Variants in GLDN observed in about 807,000 individuals in gnomAD.
GLDN encodes the protein collomin.
Under a neutral mutation model 56.5 loss-of-function variants are expected in GLDN, and 47 were observed. The observed-to-expected ratio is 0.83, with a 90% CI of 0.66 to 1.06. The LOEUF (loss-of-function observed/expected upper bound fraction) is 1.06. GLDN is among the 50% of genes least tolerant of loss of function. GLDN has a pLI of 0.00. For synonymous variants in GLDN, 332 were observed against 278.8 expected, an observed-to-expected ratio of 1.19 and a Z score of -1.90; for missense variants, 782 against 714.3, an observed-to-expected ratio of 1.09 and a Z score of -1.08.
At chr15:51,351,977 A>G (rs2037084016) in intron 1 of GLDN, among the ~76,000 whole-genome samples, 1 of 152,248 alleles carries the variant, frequency 6.6e-6, no homozygotes, top group South Asian at 2.1e-4. Context: ...TGCCTGGTAT[A>G]GTCAGGTTCT....
intron 1 of GLDN, among the ~76,000 whole-genome samples, chr15:51,347,763 T>C (rs901117270): frequency 8.5e-5 from 13 of 152,332 alleles, no homozygotes; most frequent in African/African-American, 3.1e-4. Context: ...TGCAGAATAT[T>C]TGTAAAAGCA....
chr15:51,404,029 T>TCC (rs1038630547), intron 9 of GLDN, among the ~76,000 whole-genome samples: 14 of 138,568 alleles, frequency 1.0e-4, no homozygotes, highest in African/African-American at 4.0e-4. Context: ...TTGGTGATTA[T>TCC]TCTGACACCA....
At chr15:51,386,169 G>A (rs1340993140) in intron 4 of GLDN, among the ~76,000 whole-genome samples, 1 of 152,138 alleles carries the variant, frequency 6.6e-6, no homozygotes, top group East Asian at 1.9e-4. Context: ...CAGAGAGTAA[G>A]GCTTGCGGAG....
chr15:51,370,790 C>A (rs899100291), intron 1 of GLDN, among the ~76,000 whole-genome samples: 1 of 151,980 alleles, frequency 6.6e-6, no homozygotes, highest in African/African-American at 2.4e-5. Context: ...TCAGGAGTTC[C>A]AGACCAGCCT....
chr15:51,383,593 C>T (rs917843029), intron 3 of GLDN, 140 bp downstream of exon 3: 3 of 1,099,888 alleles, frequency 2.7e-6, no homozygotes, highest in Non-Finnish European at 1.4e-6. Context: ...TGCCCCTCAC[C>T]TGAGGCTCTG....
chr15:51,365,188 G>A (rs2037375641), intron 1 of GLDN, among the ~76,000 whole-genome samples: 1 of 152,050 alleles, frequency 6.6e-6, no homozygotes, highest in Non-Finnish European at 1.5e-5. Flanking sequence ...CACCAAGAAG[G>A]GGCTGCAGGT....
chr15:51,384,280 A>G, intron 4 of GLDN: 1 of 254,712 alleles, frequency 3.9e-6, no homozygotes, highest in Non-Finnish European at 7.5e-6. Flanking sequence ...TGCCCAGCGA[A>G]TCTGTGTTTG....
At chr15:51,413,239 A>T in the GLDN span, among the ~76,000 whole-genome samples, 1 of 152,198 alleles carries the variant, frequency 6.6e-6, no homozygotes, top group Non-Finnish European at 1.5e-5. Context: ...CCTTTTTAAA[A>T]ACTAATTTTT....
chr15:51,352,647 C>T (rs1189143237), intron 1 of GLDN, among the ~76,000 whole-genome samples: 1 of 152,148 alleles, frequency 6.6e-6, no homozygotes, highest in African/African-American at 2.4e-5. Flanking sequence ...AACAGAGTTC[C>T]CCTTGATATG....
At chr15:51,354,646 C>A (rs1294194556) in intron 1 of GLDN, among the ~76,000 whole-genome samples, 1 of 152,158 alleles carries the variant, frequency 6.6e-6, no homozygotes, top group Non-Finnish European at 1.5e-5. Flanking sequence ...TCAGGAAGAA[C>A]AAGAAGCCAG....
At chr15:51,411,890 C>A (rs187059366), downstream of GLDN, among the ~76,000 whole-genome samples, 6 of 152,218 alleles carry the variant, frequency 3.9e-5, no homozygotes, top group African/African-American at 1.4e-4. Flanking sequence ...ATTGTACTTT[C>A]CATTAAGAAC....
chr15:51,374,532 GTAAA>G (rs2037583800), intron 1 of GLDN, among the ~76,000 whole-genome samples: 1 of 152,126 alleles, frequency 6.6e-6, no homozygotes, highest in Non-Finnish European at 1.5e-5. Flanking sequence ...GTGATTTTGA[GTAAA>G]TGATGGCATC....
chr15:51,359,854 C>G (rs1006007338), intron 1 of GLDN, among the ~76,000 whole-genome samples: 1 of 151,882 alleles, frequency 6.6e-6, no homozygotes, highest in Non-Finnish European at 1.5e-5. Flanking sequence ...TGGCAGGCAC[C>G]TGTAGTCCCA....
intron 6 of GLDN, 73 bp from the exon 7 acceptor site, chr15:51,400,119 C>G: frequency 8.0e-7 from 1 of 1,254,200 alleles, no homozygotes; most frequent in Non-Finnish European, 1.2e-6. Context: ...TGGGGAAGAG[C>G]AGCAGCTATA....
chr15:51,368,306 G>A (rs751245653), intron 1 of GLDN, among the ~76,000 whole-genome samples: 2 of 152,094 alleles, frequency 1.3e-5, no homozygotes, highest in South Asian at 2.1e-4. Flanking sequence ...GCGTAACAGC[G>A]AAAAAGTGAG....
chr15:51,411,635 T>C (rs1713102926), downstream of GLDN, among the ~76,000 whole-genome samples: 1 of 152,256 alleles, frequency 6.6e-6, no homozygotes, highest in Non-Finnish European at 1.5e-5. Flanking sequence ...TAAATGAGCA[T>C]GGCTCTATTA....
Position 51,394,853 on chromosome 15 carries a change from G to T in GLDN, c.560G>T (p.Gly187Val). The T allele has an allele frequency of 6.2e-7, 1 of 1,613,812 alleles. No individual in the cohort carries two copies. The change falls in exon 5 of 10, where the codon GGA (glycine) becomes GTA (valine). Residue 187 changes from glycine (G) to valine (V), a missense_variant. Gly to Val is a moderately radical substitution (Grantham distance 109, BLOSUM62 -3). Transcript: ENST00000335449. Reference protein sequence around the residue: ...RGKMGIPGAAGNPGERGEKGD... With the variant: ...RGKMGIPGAAVNPGERGEKGD... The stretch of plus-strand genomic sequence containing the variant: ...TGGTCAGGGATACCTGGAGCTGCAG[G>T]AAATCCAGGGGAAAGGGGAGAAAAG...
chr15:51,401,619 C>A lies in GLDN; in HGVS notation c.1054C>A (p.Gln352Lys), dbSNP rs774962833. The A allele has an allele frequency of 6.2e-6, 10 of 1,614,026 alleles. No homozygotes were observed. Among genetic ancestry groups the A allele is most frequent in the Non-Finnish European group, 7.6e-6 (9 of 1,179,904 alleles). ...CATCATGGTTAAGGAATTCAAGGAT[C>A]AGCCCTCACTTCTGAATGGCAGTTA... is the stretch of plus-strand genomic sequence containing the variant. The part of the protein sequence containing the change: ...SGIMVKEFKD[Q>K]PSLLNGSYTF... Residue 352 changes from glutamine (Q) to lysine (K), a missense_variant, in exon 9 of 10, where the codon CAG (glutamine) becomes AAG (lysine). Coordinates refer to ENST00000335449, the MANE Select transcript of GLDN (RefSeq NM_181789.4).
intron 1 of GLDN, among the ~76,000 whole-genome samples, chr15:51,355,004 C>T (rs1414223258): frequency 1.3e-5 from 2 of 152,156 alleles, no homozygotes; most frequent in South Asian, 2.1e-4. Context: ...AAAAGAGAAG[C>T]TTGAATTAAT....
Sources: gnomAD v4.1 joint callset for allele counts (sites outside exome capture counted in the v4.1 genomes callset) on GRCh38, gnomAD v4.1.1 for gene constraint, MANE v1.5 for transcripts, NCBI Gene and HGNC (gene_info 2026-07-23, HGNC 2026-07-21) for gene names.